The following EIF4E3 variants were observed in gnomAD, a reference collection of about 807,000 sequenced individuals.
EIF4E3 encodes eukaryotic translation initiation factor 4E type 3.
EIF4E3 carries 26 observed loss-of-function variants against 31.7 expected under a neutral mutation model. That is an observed-to-expected ratio of 0.82 (90% CI 0.60 to 1.14). The LOEUF (loss-of-function observed/expected upper bound fraction) is 1.14, where lower values mean the gene tolerates loss of function less well. EIF4E3 is among the 50% of genes most tolerant of loss of function. The probability of loss-of-function intolerance (pLI) is 0.00; values close to 1 mark genes in which losing one functional copy is unlikely to be tolerated. For synonymous variants in EIF4E3, 128 were observed against 107.7 expected, an observed-to-expected ratio of 1.19 and a Z score of -1.17; for missense variants, 304 against 270.9, an observed-to-expected ratio of 1.12 and a Z score of -0.86.
At chr3:71,670,931 T>C (rs1366519063), downstream of EIF4E3, among the ~76,000 whole-genome samples, 1 of 152,044 alleles carries the variant, frequency 6.6e-6, no homozygotes, top group African/African-American at 2.4e-5. Context: ...GGTGTAAGGC[T>C]GAGGAAGCCA....
chr3:71,746,917 C>A (rs1333744271), intron 1 of EIF4E3, among the ~76,000 whole-genome samples: 1 of 152,168 alleles, frequency 6.6e-6, no homozygotes, highest in Admixed American at 6.5e-5. Flanking sequence ...TTTCATTGAG[C>A]ACAGTATTTT....
the EIF4E3 span, among the ~76,000 whole-genome samples, chr3:71,663,488 C>G: frequency 1.3e-5 from 2 of 152,184 alleles, no homozygotes; most frequent in Admixed American, 1.3e-4. Flanking sequence ...TCCATGCAGT[C>G]GGCAAAATGA....
chr3:71,723,969 A>C lies in EIF4E3; in HGVS notation c.176+1223T>G, dbSNP rs577519670. Among the ~76,000 whole-genome samples, 6 of 152,306 alleles carry C rather than the reference A, an allele frequency of 3.9e-5. No homozygotes were observed. In the East Asian group the frequency reaches 1.2e-3, roughly 29 times the overall value. ...ATAAGAACCCAAAAGGAAAAAAGAAATGAGCTTGTCTTAACCAAAAAAAAA... is the reference window on the plus strand; with the variant it reads ...ATAAGAACCCAAAAGGAAAAAAGAACTGAGCTTGTCTTAACCAAAAAAAAA... On this transcript the variant is annotated intron_variant, in intron 1 of 6. Coordinates refer to ENST00000425534, the MANE Select transcript of EIF4E3 (RefSeq NM_001134651.2).
chr3:71,673,012 G>A (rs149934521), downstream of EIF4E3, among the ~76,000 whole-genome samples: 60 of 152,266 alleles, frequency 3.9e-4, no homozygotes, highest in African/African-American at 1.4e-3. Context: ...GGCTGAACCC[G>A]GTGTCAGCAC....
At position 71,678,835 on chromosome 3, in the gene EIF4E3, T is replaced by C. The variant is rs2048893497; in HGVS notation, c.*5847A>G. On this transcript the variant is annotated 3_prime_UTR_variant, in exon 7 of 7. Coordinates refer to ENST00000425534, the MANE Select transcript of EIF4E3 (RefSeq NM_001134651.2). ...AGAATTAATAACTTTCAATGTAAGA[T>C]TTTAAATTTGGGACAAATAATGTTA... The C allele has an allele frequency of 6.6e-6, 1 of 152,200 alleles. No individual in the cohort carries two copies. Among genetic ancestry groups the C allele is most frequent in the Admixed American group, 6.5e-5 (1 of 15,276 alleles). The allele number at this position is 152,200 out of a possible 1,614,324, so 9.4% of individuals were successfully genotyped here. A position where few individuals can be genotyped will look rare whatever the true frequency, so the allele number is the denominator to read the frequency against.
At chr3:71,712,664 G>C (rs1578361954) in intron 1 of EIF4E3, among the ~76,000 whole-genome samples, 1 of 151,432 alleles carries the variant, frequency 6.6e-6, no homozygotes, top group East Asian at 1.9e-4. Flanking sequence ...GGCTCAAAGG[G>C]AGGAAATATA....
chr3:71,748,987 G>A (rs948204415), intron 1 of EIF4E3, among the ~76,000 whole-genome samples: 6 of 152,238 alleles, frequency 3.9e-5, no homozygotes, highest in African/African-American at 1.2e-4. Context: ...CATCCTGCTA[G>A]GTTAAGCTGA....
chr3:71,754,006 A>G (rs1219040987), upstream of EIF4E3: 8 of 1,083,042 alleles, frequency 7.4e-6, no homozygotes, highest in Admixed American at 5.3e-5. This position sits in a 1 kb window ranked among gnomAD's most constrained non-coding sequence, Gnocchi z 5.8. Flanking sequence ...GCGGCGAGGC[A>G]GGGGACGGCC....
intron 1 of EIF4E3, among the ~76,000 whole-genome samples, chr3:71,747,565 G>A (rs1003167586): frequency 1.3e-5 from 2 of 152,048 alleles, no homozygotes; most frequent in Non-Finnish European, 2.9e-5. Flanking sequence ...CATTCTGTAG[G>A]CGGGCCTTTC....
intron 4 of EIF4E3, among the ~76,000 whole-genome samples, chr3:71,694,461 CTG>C (rs2049106320): frequency 6.6e-6 from 1 of 152,188 alleles, no homozygotes; most frequent in Non-Finnish European, 1.5e-5. Flanking sequence ...TTGAGGCAGA[CTG>C]TTTATGGCAG....
At chr3:71,672,735 A>G (rs919568150), downstream of EIF4E3, among the ~76,000 whole-genome samples, 1 of 152,180 alleles carries the variant, frequency 6.6e-6, no homozygotes, top group African/African-American at 2.4e-5. Flanking sequence ...GCCGAATCGA[A>G]CAAGTTCTTC....
chr3:71,705,058 C>T (rs2049270394), intron 2 of EIF4E3, among the ~76,000 whole-genome samples: 1 of 152,108 alleles, frequency 6.6e-6, no homozygotes, highest in South Asian at 2.1e-4. Flanking sequence ...GCTGCAGGTC[C>T]TTCTCTTTCT....
At chr3:71,727,165 G>GT (rs2049650235), upstream of EIF4E3, among the ~76,000 whole-genome samples, 1 of 152,124 alleles carries the variant, frequency 6.6e-6, no homozygotes, top group African/African-American at 2.4e-5. Flanking sequence ...AGTCCACAAC[G>GT]TAAAAACAAG....
intron 3 of EIF4E3, 92 bp downstream of exon 3, chr3:71,699,522 G>T: frequency 8.6e-7 from 1 of 1,156,476 alleles, no homozygotes; most frequent in Non-Finnish European, 1.3e-6. Flanking sequence ...TGTTGTCCAT[G>T]TGAGACACAC....
At chr3:71,671,985 G>GT (rs2048849404), downstream of EIF4E3, among the ~76,000 whole-genome samples, 1 of 152,112 alleles carries the variant, frequency 6.6e-6, no homozygotes, top group Non-Finnish European at 1.5e-5. Flanking sequence ...TGCTAAGAGG[G>GT]TTTTGCATTG....
At chr3:71,715,064 G>A (rs552953992) in intron 1 of EIF4E3, among the ~76,000 whole-genome samples, 34 of 152,322 alleles carry the variant, frequency 2.2e-4, no homozygotes, top group Middle Eastern at 6.8e-3. Flanking sequence ...GCTCATCTGA[G>A]AGTGATGTTG....
At chr3:71,685,098 C>T (rs545195605) in intron 6 of EIF4E3, among the ~76,000 whole-genome samples, 25 of 151,868 alleles carry the variant, frequency 1.6e-4, no homozygotes, top group Non-Finnish European at 2.9e-4. Context: ...AGAGGGGGTG[C>T]CTGACACAAC....
rs1006871987 is a variant in EIF4E3 at position 71,696,351 on chromosome 3, T to G, written c.405+109A>C. 13 of 1,172,944 alleles carry G rather than the reference T, an allele frequency of 1.1e-5. No individual in the cohort carries two copies. The Admixed American group carries it at 2.1e-4, about 19-fold the overall frequency. The allele number at this position is 1,172,944 out of a possible 1,614,324, so 72.7% of individuals were successfully genotyped here. A position where few individuals can be genotyped will look rare whatever the true frequency, so the allele number is the denominator to read the frequency against. ...ACAGAATTTCTCACCCCCAGCCTGT[T>G]TGGGGACTGCCAGGTAAATAGGCTA... On this transcript the variant is annotated intron_variant, in intron 4 of 6. Transcript: ENST00000425534.
intron 6 of EIF4E3, among the ~76,000 whole-genome samples, chr3:71,687,887 T>C (rs2049014800): frequency 6.6e-6 from 1 of 152,240 alleles, no homozygotes; most frequent in Admixed American, 6.5e-5. Flanking sequence ...CATTTCTAAC[T>C]TAGCTTACCC....
Sources: allele counts gnomAD v4.1 joint callset (sites outside exome capture counted in the v4.1 genomes callset), GRCh38; gene constraint gnomAD v4.1.1; non-coding constraint Gnocchi (gnomAD v3.1); transcripts MANE v1.5; gene names NCBI Gene and HGNC (gene_info 2026-07-23, HGNC 2026-07-21).